UBE2G2: variants seen among roughly 807,000 people sequenced by gnomAD.
UBE2G2 encodes ubiquitin-conjugating enzyme E2 G2.
Under a neutral mutation model 23.0 loss-of-function variants are expected in UBE2G2, and 10 were observed. The ratio of observed to expected loss-of-function variants is 0.43; its 90% confidence interval spans 0.27 to 0.74. UBE2G2 has a LOEUF of 0.74. Among genes scored for constraint, UBE2G2 ranks in the 30% least tolerant of loss-of-function variants. The probability of loss-of-function intolerance (pLI) is 0.19; values close to 1 mark genes in which losing one functional copy is unlikely to be tolerated. For missense variants in UBE2G2, 150 were observed against 218.3 expected (o/e 0.69, Z 1.97); for synonymous variants, 86 against 81.3 (o/e 1.06, Z -0.31).
chr21:44,773,029 T>C (rs1555960122), intron 5 of UBE2G2, among the ~76,000 whole-genome samples: 1 of 152,134 alleles, frequency 6.6e-6, no homozygotes, highest in South Asian at 2.1e-4. Context: ...CCCAGGCTGC[T>C]TCCTTTGCCC....
At chr21:44,791,775 G>A (rs1049103204) in intron 1 of UBE2G2, among the ~76,000 whole-genome samples, 4 of 152,170 alleles carry the variant, frequency 2.6e-5, no homozygotes, top group Non-Finnish European at 5.9e-5. Context: ...ACCCCAGAAC[G>A]GTAGATCCAC....
rs1211632953 is a variant in UBE2G2, at chr21:44,770,382, T to C, written c.*995A>G. 1.3e-5 allele frequency: 2 copies of C among 152,202 alleles called. No homozygotes were observed. The highest frequency in any genetic ancestry group is 2.9e-5 in the Non-Finnish European group (2 of 68,030). The allele number at this position is 152,202 out of a possible 1,614,324, so 9.4% of individuals were successfully genotyped here. On this transcript the variant is annotated 3_prime_UTR_variant, in exon 6 of 6. Transcript: ENST00000345496. ...AAACGTAAATCTTTGATGAGTATGG[T>C]CGGGAAAAAACTGTCTGTCCTTGTG...
intron 1 of UBE2G2, among the ~76,000 whole-genome samples, chr21:44,794,128 C>T (rs2083066831): frequency 6.6e-6 from 1 of 152,194 alleles, no homozygotes. Flanking sequence ...GATGAGGACA[C>T]AGGCATAGAG....
At chr21:44,774,005 A>C in intron 4 of UBE2G2, 1 of 237,964 alleles carries the variant, frequency 4.2e-6, no homozygotes, top group Non-Finnish European at 8.2e-6. Context: ...TCTGGCAAAT[A>C]TTTTATCAAA....
Position 44,787,964 on chromosome 21 carries a change from G to A in UBE2G2, c.81C>T (p.Gly27=), listed in dbSNP as rs782209080. ...CAAAAAAGTTCTCTTCATTCATGGG[G>A]CCTGTAGGGTGAGAAAAAATTTCAC... ...TLNPPEGIVA[G]PMNEENFFEW... is the part of the protein sequence containing the mutation. Residue 27 remains glycine (G), a splice_region_variant and synonymous_variant, in exon 3 of 6, where the codon GGC becomes GGT. Coordinates refer to ENST00000345496, the MANE Select transcript of UBE2G2 (RefSeq NM_003343.6). 4.3e-6 allele frequency: 7 copies of A among 1,613,386 alleles called. No individual in the cohort carries two copies. Among genetic ancestry groups the A allele is most frequent in the Non-Finnish European group, 5.9e-6 (7 of 1,179,830 alleles).
At chr21:44,774,689 A>G (rs1330071331) in intron 4 of UBE2G2, 3 of 456,144 alleles carry the variant, frequency 6.6e-6, no homozygotes, top group Non-Finnish European at 1.3e-5. Context: ...TTCTCATTCA[A>G]GGAGAGTGGA....
At chr21:44,796,540 C>T (rs1440376442) in intron 1 of UBE2G2, among the ~76,000 whole-genome samples, 1 of 151,906 alleles carries the variant, frequency 6.6e-6, no homozygotes, top group African/African-American at 2.4e-5. Context: ...GTAAATGATA[C>T]ACAAAAAAAA....
At chr21:44,784,254 G>T (rs914425331) in intron 3 of UBE2G2, among the ~76,000 whole-genome samples, 1 of 151,960 alleles carries the variant, frequency 6.6e-6, no homozygotes, top group Admixed American at 6.6e-5. Context: ...ACGGACAGAC[G>T]GTTCCAGACC....
intron 1 of UBE2G2, among the ~76,000 whole-genome samples, chr21:44,792,676 C>G (rs180888755): frequency 3.7e-4 from 56 of 152,288 alleles, no homozygotes; most frequent in Middle Eastern, 3.4e-3. Context: ...GACTAATGTA[C>G]CGATTAACCG....
At chr21:44,793,562 C>T (rs1238124892) in intron 1 of UBE2G2, among the ~76,000 whole-genome samples, 1 of 79,614 alleles carries the variant, frequency 1.3e-5, no homozygotes. Flanking sequence ...TGGTTCAGGG[C>T]ACTTATTTTT....
rs540933401 is a variant in UBE2G2, at chr21:44,781,297, G to A, written c.126-3880C>T. 1.2e-4 allele frequency among the ~76,000 whole-genome samples: 18 copies of A among 152,256 alleles called. No homozygotes were observed. The South Asian group carries it at 1.7e-3, about 14-fold the overall frequency. ...AGCACCTCCCTTACGCTACAGAATC[G>A]ACAGAGGGCACCCAGCAGGAAGGGC... On this transcript the variant is annotated intron_variant, in intron 3 of 5. Transcript: ENST00000345496.
intron 1 of UBE2G2, among the ~76,000 whole-genome samples, chr21:44,791,022 T>C (rs2083038807): frequency 6.6e-6 from 1 of 152,190 alleles, no homozygotes; most frequent in Admixed American, 6.5e-5. Context: ...GAAGAGGAAC[T>C]TCTTGGGAAC....
Position 44,768,598 on chromosome 21 carries a change from G to C in UBE2G2, c.*2779C>G, listed in dbSNP as rs1264207206. On this transcript the variant is annotated 3_prime_UTR_variant, in exon 6 of 6. Coordinates refer to ENST00000345496, the MANE Select transcript of UBE2G2 (RefSeq NM_003343.6). ...CAGCAAATCACTGACACAGGAATCT[G>C]CCTCTTTATTGACATGCTAAGTAAC... The C allele has an allele frequency of 2.0e-5, 3 of 152,392 alleles. No individual in the cohort carries two copies. The highest frequency in any genetic ancestry group is 7.2e-5 in the African/African-American group (3 of 41,588). The allele number at this position is 152,392 out of a possible 1,614,324, so 9.4% of individuals were successfully genotyped here.
chr21:44,799,722 C>T (rs1555964446), intron 1 of UBE2G2, among the ~76,000 whole-genome samples: 1 of 152,262 alleles, frequency 6.6e-6, no homozygotes, highest in African/African-American at 2.4e-5. Flanking sequence ...TTGTGTTCAA[C>T]AGAGCAGCAC....
intron 1 of UBE2G2, among the ~76,000 whole-genome samples, chr21:44,797,513 G>A (rs570007563): frequency 9.2e-5 from 14 of 152,000 alleles, no homozygotes; most frequent in Admixed American, 6.6e-4. Flanking sequence ...TCAGGAGATC[G>A]AGACCATCCT....
chr21:44,785,530 C>G (rs2146395053), intron 3 of UBE2G2: 1 of 152,292 alleles, frequency 6.6e-6, no homozygotes, highest in Non-Finnish European at 1.5e-5. Flanking sequence ...TTCACTGGCC[C>G]TTAAGGCAAG....
Position 44,796,236 on chromosome 21 carries a change from T to C in UBE2G2, c.43+5470A>G, listed in dbSNP as rs2083087864. ...GAGTTCTTTCCTGGCTCTCCTTTTT[T>C]CCTGTTTATGAACCTAGGCAAAATC... On this transcript the variant is annotated intron_variant, in intron 1 of 5. Coordinates refer to ENST00000345496, the MANE Select transcript of UBE2G2 (RefSeq NM_003343.6). Among the ~76,000 whole-genome samples, 4 of 152,356 alleles carry C rather than the reference T, an allele frequency of 2.6e-5. No individual in the cohort carries two copies. In the South Asian group the frequency reaches 6.2e-4, roughly 24 times the overall value.
intron 1 of UBE2G2, among the ~76,000 whole-genome samples, chr21:44,797,385 T>TA (rs1448216957): frequency 6.6e-6 from 1 of 152,208 alleles, no homozygotes; most frequent in African/African-American, 2.4e-5. Flanking sequence ...AGCCTGAACT[T>TA]AATTTCCTAT....
At chr21:44,775,930 C>T (rs1365999952) in intron 4 of UBE2G2, among the ~76,000 whole-genome samples, 2 of 152,220 alleles carry the variant, frequency 1.3e-5, no homozygotes, top group African/African-American at 4.8e-5. Flanking sequence ...AGAAGGCACG[C>T]TTCTGAGCAT....
Sources: allele counts gnomAD v4.1 joint callset (sites outside exome capture counted in the v4.1 genomes callset), GRCh38; gene constraint gnomAD v4.1.1; transcripts MANE v1.5; gene names NCBI Gene and HGNC (gene_info 2026-07-23, HGNC 2026-07-21).